EYS: variants seen among roughly 807,000 people sequenced by gnomAD.
EYS encodes the protein protein eyes shut homolog.
A neutral mutation model predicts 282.1 loss-of-function variants in EYS; 250 were observed. The observed-to-expected ratio is 0.89, with a 90% CI of 0.80 to 0.98. The LOEUF is 0.98. Among genes scored for constraint, EYS ranks in the 50% least tolerant of loss-of-function variants. The pLI is 0.00. For missense variants in EYS, 4,016 were observed against 3,709.0 expected, an observed-to-expected ratio of 1.08 and a Z score of -2.15; for synonymous variants, 1,355 against 1,282.9, an observed-to-expected ratio of 1.06 and a Z score of -1.20.
intron 14 of EYS, among the ~76,000 whole-genome samples, chr6:64,986,394 T>A (rs1435135165): frequency 6.6e-6 from 1 of 151,500 alleles, no homozygotes; most frequent in Non-Finnish European, 1.5e-5. Context: ...GAAAGGTGAA[T>A]GAAAAGGCAG....
At position 64,442,014 on chromosome 6, in the gene EYS, T is replaced by G. The variant is rs551948029; in HGVS notation, c.5645-2662A>C. ...TTTGGAACTGGGCAACAGGCAGAGG[T>G]TGGAACAGTTTGGAGGGCTCAGAAG... On this transcript the variant is annotated intron_variant, in intron 26 of 42. Coordinates refer to ENST00000503581, the MANE Select transcript of EYS (RefSeq NM_001142800.2). Among the ~76,000 whole-genome samples, 32 of 151,974 alleles carry G rather than the reference T, an allele frequency of 2.1e-4. No homozygotes were observed. The South Asian group carries it at 6.7e-3, about 32-fold the overall frequency.
chr6:65,460,370 C>T (rs1420182867), intron 5 of EYS, among the ~76,000 whole-genome samples: 1 of 151,852 alleles, frequency 6.6e-6, no homozygotes, highest in Admixed American at 6.6e-5. Flanking sequence ...TAACTTCTGT[C>T]AAATATCTAA....
At chr6:64,833,300 G>A (rs1765280180) in intron 19 of EYS, among the ~76,000 whole-genome samples, 2 of 151,844 alleles carry the variant, frequency 1.3e-5, no homozygotes, top group Admixed American at 6.6e-5. Context: ...TAGGTAACCT[G>A]TGTGTAGCTA....
chr6:65,063,295 A>G (rs758706533), intron 12 of EYS, among the ~76,000 whole-genome samples: 2 of 152,132 alleles, frequency 1.3e-5, no homozygotes, highest in Middle Eastern at 3.4e-3. Flanking sequence ...TTTGATCACC[A>G]TCAAATTCCT....
At chr6:64,024,258 A>G (rs898269071) in intron 33 of EYS, among the ~76,000 whole-genome samples, 2 of 152,148 alleles carry the variant, frequency 1.3e-5, no homozygotes, top group African/African-American at 4.8e-5. Context: ...AAATGCACCA[A>G]TCAGCACCCT....
At chr6:64,941,371 G>T (rs1435576489) in intron 15 of EYS, among the ~76,000 whole-genome samples, 2 of 151,530 alleles carry the variant, frequency 1.3e-5, no homozygotes, top group Non-Finnish European at 2.9e-5. Flanking sequence ...CAGAGTGAGA[G>T]TCTGCCTCAA....
chr6:65,307,399 T>G (rs1226674725), intron 11 of EYS, among the ~76,000 whole-genome samples: 6 of 152,200 alleles, frequency 3.9e-5, no homozygotes, highest in African/African-American at 1.4e-4. Context: ...TCATTTCTTT[T>G]CCTGTTCTGA....
chr6:65,265,561 A>C (rs1767731229), intron 12 of EYS, among the ~76,000 whole-genome samples: 1 of 152,038 alleles, frequency 6.6e-6, no homozygotes, highest in South Asian at 2.1e-4. Flanking sequence ...ACAAAATAAC[A>C]ATGTGTATAG....
intron 35 of EYS, among the ~76,000 whole-genome samples, chr6:63,959,046 C>G (rs562741641): frequency 3.9e-5 from 6 of 152,038 alleles, no homozygotes; most frequent in Non-Finnish European, 8.8e-5. Flanking sequence ...TGTAGAAACA[C>G]TTTTTGTAGA....
At chr6:64,007,755 A>G (rs1238293892) in intron 33 of EYS, among the ~76,000 whole-genome samples, 1 of 152,200 alleles carries the variant, frequency 6.6e-6, no homozygotes, top group East Asian at 1.9e-4. Flanking sequence ...CCCAAAAGTC[A>G]TTCAGGATCA....
At chr6:65,611,576 A>G (rs354385) in intron 2 of EYS, among the ~76,000 whole-genome samples, 10,780 of 152,136 alleles carry the variant, frequency 0.071, 632 homozygotes, top group East Asian at 0.16. Flanking sequence ...TGTAAAAATT[A>G]TATTGATTGA....
At chr6:64,713,838 G>A (rs1390269) in intron 22 of EYS, among the ~76,000 whole-genome samples, 146,412 of 152,302 alleles carry the variant, frequency 0.96, 70,562 homozygotes, top group Non-Finnish European at 1. Flanking sequence ...TATTCCACTG[G>A]ATTCCTGGAA....
intron 39 of EYS, 44 bp downstream of exon 39, chr6:63,788,061 A>G: frequency 7.1e-7 from 1 of 1,411,166 alleles, no homozygotes; most frequent in Non-Finnish European, 9.5e-7. Flanking sequence ...TTCCCTCAAC[A>G]TTTGAAATAA....
chr6:64,369,182 C>T (rs1199269445), intron 29 of EYS, among the ~76,000 whole-genome samples: 4 of 152,046 alleles, frequency 2.6e-5, no homozygotes, highest in Non-Finnish European at 5.9e-5. Flanking sequence ...ATAGGGAGTC[C>T]TTTCCCTATT....
chr6:65,399,728 A>C (rs1763515396), intron 7 of EYS, among the ~76,000 whole-genome samples: 1 of 152,074 alleles, frequency 6.6e-6, no homozygotes, highest in Admixed American at 6.6e-5. Flanking sequence ...TGTAAATAAC[A>C]TAATCCTAAC....
intron 14 of EYS, among the ~76,000 whole-genome samples, chr6:64,992,692 A>G (rs1351052766): frequency 6.6e-6 from 1 of 151,936 alleles, no homozygotes; most frequent in African/African-American, 2.4e-5. Flanking sequence ...TGTTTTGAGA[A>G]TTCTGGAACT....
chr6:64,744,310 C>T (rs1409198426), intron 22 of EYS, among the ~76,000 whole-genome samples: 2 of 152,098 alleles, frequency 1.3e-5, no homozygotes, highest in Non-Finnish European at 2.9e-5. Flanking sequence ...AGACTTAAAT[C>T]CCAAGTTGGG....
intron 14 of EYS, among the ~76,000 whole-genome samples, chr6:64,996,712 A>G (rs9363310): frequency 0.068 from 10,280 of 152,252 alleles, 441 homozygotes; most frequent in East Asian, 0.13. Flanking sequence ...TCCTTGTGGG[A>G]AAAAACAGTT....
chr6:64,469,488 G>C (rs1776039370), intron 26 of EYS, among the ~76,000 whole-genome samples: 1 of 152,058 alleles, frequency 6.6e-6, no homozygotes, highest in South Asian at 2.1e-4. Flanking sequence ...GAAAGGCCAG[G>C]CCATACAGAG....
Sources: allele counts gnomAD v4.1 joint callset (sites outside exome capture counted in the v4.1 genomes callset), GRCh38; gene constraint gnomAD v4.1.1; transcripts MANE v1.5; gene names NCBI Gene and HGNC (gene_info 2026-07-23, HGNC 2026-07-21).